GRHL3: variants seen among roughly 807,000 people sequenced by gnomAD.
The protein encoded by GRHL3 is grainyhead-like protein 3 homolog.
In GRHL3, 20 loss-of-function variants were observed where a neutral mutation model predicts 70.3. That is an observed-to-expected ratio of 0.28 (90% confidence interval 0.20 to 0.41). The LOEUF is 0.41. Ranked by LOEUF, GRHL3 falls within the 10% of genes least tolerant of loss-of-function variation. The probability of loss-of-function intolerance (pLI) is 1.00; values close to 1 mark genes in which losing one functional copy is unlikely to be tolerated. For missense variants in GRHL3, 637 were observed against 762.3 expected (o/e 0.84, Z 1.94); for synonymous variants, 299 against 299.9 (o/e 1.00, Z 0.03).
At chr1:24,358,587 A>G (rs1413931520), downstream of GRHL3, 3 of 1,613,904 alleles carry the variant, frequency 1.9e-6, no homozygotes, top group Admixed American at 3.3e-5. Context: ...TAGAGGAAGG[A>G]CTGCTTTCCT....
chr1:24,331,737 G>A, intron 2 of GRHL3, 125 bp downstream of exon 2: 1 of 700,132 alleles, frequency 1.4e-6, no homozygotes, highest in Non-Finnish European at 2.3e-6. Flanking sequence ...GCACAATGCT[G>A]TTCCCTCTGC....
chr1:24,344,576 C>T (rs1301029592), intron 11 of GRHL3, among the ~76,000 whole-genome samples: 2 of 151,374 alleles, frequency 1.3e-5, no homozygotes, highest in African/African-American at 4.9e-5. Context: ...GCCGCAGGAC[C>T]ATCTGCAATT....
chr1:24,364,445 C>A, exon 16 of GRHL3: 1 of 1,441,532 alleles, frequency 6.9e-7, no homozygotes, highest in Non-Finnish European at 9.1e-7. Flanking sequence ...GAGTATGTGG[C>A]CCCTGAATAC....
chr1:24,360,937 C>G (rs747319327), intron 15 of GRHL3: 1 of 1,613,956 alleles, frequency 6.2e-7, no homozygotes, highest in South Asian at 1.1e-5. Context: ...GAAATGCTTG[C>G]GGGGGCCTAA....
intron 15 of GRHL3, among the ~76,000 whole-genome samples, 192 bp from the exon 16 acceptor site, chr1:24,354,182 C>T (rs1034733438): frequency 1.3e-5 from 2 of 152,022 alleles, no homozygotes; most frequent in African/African-American, 2.4e-5. Flanking sequence ...GGCCACTGGG[C>T]ATTGTGCAGT....
At chr1:24,344,852 A>G in intron 11 of GRHL3, 45 bp from the exon 12 acceptor site, 1 of 1,613,230 alleles carries the variant, frequency 6.2e-7, no homozygotes, top group Non-Finnish European at 8.5e-7. Flanking sequence ...GGCTCCTCTC[A>G]TTTTCCTGCG....
chr1:24,339,574 C>A (rs547673273), intron 7 of GRHL3, 94 bp from the exon 8 acceptor site: 6 of 795,258 alleles, frequency 7.5e-6, no homozygotes, highest in Admixed American at 2.2e-5. Flanking sequence ...AAACCACGCC[C>A]GGCCGAGTGA....
chr1:24,358,036 C>T (rs1040198240), downstream of GRHL3: 8 of 357,220 alleles, frequency 2.2e-5, no homozygotes, highest in South Asian at 1.2e-4. Context: ...AGGTAGCTTT[C>T]GCCCAGTAGA....
At position 24,336,482 on chromosome 1, in the gene GRHL3, G is replaced by A. The variant is rs1035723151; in HGVS notation, c.267G>A (p.Arg89=). 1.9e-6 allele frequency: 3 copies of A among 1,563,378 alleles called. No individual in the cohort carries two copies. The highest frequency in any genetic ancestry group is 2.7e-5 in the African/African-American group (2 of 73,276). The change falls in exon 4 of 16, where the codon AGG becomes AGA. Residue 89 remains arginine, a splice_region_variant and synonymous_variant. Transcript: ENST00000361548. The part of the protein sequence containing the change: ...STGGRNDQGK[R]YYHGMEYETD... ...CTCAGCCCCTTTTCTTTCTCCCCAG[G>A]TACTACCATGGCATGGAATATGAGA...
At position 24,342,009 on chromosome 1, in the gene GRHL3, G is replaced by T. The variant is rs776565640; in HGVS notation, c.1048-106G>T. ...CTTCTAGGGGCCTAGTGAGGCTTAA[G>T]GGTGAGCAGCAGGCACACAGAAAGC... On this transcript the variant is annotated intron_variant, in intron 8 of 15. Coordinates refer to ENST00000361548, the MANE Select transcript of GRHL3 (RefSeq NM_198173.3). The surrounding 1 kb of genome is among the most constrained non-coding windows in gnomAD (Gnocchi z 4.8). The T allele has an allele frequency of 3.2e-4, 352 of 1,083,274 alleles. 1 individual carries two copies. Among genetic ancestry groups the T allele is most frequent in the Non-Finnish European group, 4.4e-4 (332 of 753,956 alleles). The allele number at this position is 1,083,274 out of a possible 1,614,324, so 67.1% of individuals were successfully genotyped here. A position where few individuals can be genotyped will look rare whatever the true frequency, so the allele number is the denominator to read the frequency against.
At chr1:24,320,049 T>C (rs1021232697) in intron 1 of GRHL3, 1 of 177,484 alleles carries the variant, frequency 5.6e-6, no homozygotes, top group African/African-American at 2.3e-5. Flanking sequence ...TGGTTAAGCA[T>C]GTGTACTCTT....
chr1:24,364,423 G>A (rs1280366421), exon 16 of GRHL3: 2 of 1,478,658 alleles, frequency 1.4e-6, no homozygotes, highest in Non-Finnish European at 1.8e-6. Context: ...ACATCTGAGA[G>A]CTCTCAGCTC....
intron 8 of GRHL3, among the ~76,000 whole-genome samples, chr1:24,340,481 G>A (rs188538366): frequency 2.5e-4 from 38 of 152,326 alleles, no homozygotes; most frequent in Admixed American, 7.8e-4. Context: ...GAGCCCAGCC[G>A]CGGGCTTGCC....
At chr1:24,333,859 T>C (rs1639698253) in intron 2 of GRHL3, among the ~76,000 whole-genome samples, 1 of 152,216 alleles carries the variant, frequency 6.6e-6, no homozygotes, top group South Asian at 2.1e-4. Flanking sequence ...CTTAGTACAA[T>C]GCCTAGCCCA....
Position 24,322,621 on chromosome 1 carries a change from G to T in GRHL3, c.17+3053G>T, listed in dbSNP as rs1054541929. Among the ~76,000 whole-genome samples the T allele has an allele frequency of 2.0e-5, 3 of 152,196 alleles. No homozygotes were observed. Among genetic ancestry groups the T allele is most frequent in the African/African-American group, 4.8e-5 (2 of 41,456 alleles). On this transcript the variant is annotated intron_variant, in intron 1 of 15. Transcript: ENST00000361548. The surrounding 1 kb of genome is among the most constrained non-coding windows in gnomAD (Gnocchi z 4.4). ...GGCGGCGCGGGGGTCCTGCGGCTCC[G>T]CCAGCTGCTGGGAGCGGGCAGGCTG...
chr1:24,358,262 T>A (rs760946043), downstream of GRHL3: 3 of 633,062 alleles, frequency 4.7e-6, no homozygotes, highest in South Asian at 4.5e-5. Flanking sequence ...CCTGGATGGG[T>A]GCGTGGGGAA....
chr1:24,323,781 C>G (rs1639294140), intron 1 of GRHL3, among the ~76,000 whole-genome samples: 1 of 152,232 alleles, frequency 6.6e-6, no homozygotes, highest in African/African-American at 2.4e-5. Context: ...GCCTCCCCCT[C>G]TCTATTCCTT....
At chr1:24,360,878 G>A in intron 15 of GRHL3, 1 of 1,613,400 alleles carries the variant, frequency 6.2e-7, no homozygotes, top group South Asian at 1.1e-5. Context: ...GGCTGAGGCG[G>A]CGCCGCTGTC....
downstream of GRHL3, chr1:24,357,857 G>C (rs1344347018): frequency 3.2e-6 from 1 of 307,730 alleles, no homozygotes; most frequent in East Asian, 8.3e-5. Context: ...CCCGCCAGCA[G>C]AGAAAGTCAG....
Sources: gnomAD v4.1 joint callset for allele counts (sites outside exome capture counted in the v4.1 genomes callset) on GRCh38, gnomAD v4.1.1 for gene constraint, Gnocchi (gnomAD v3.1) non-coding constraint, MANE v1.5 for transcripts, NCBI Gene and HGNC (gene_info 2026-07-23, HGNC 2026-07-21) for gene names.